FBXO15: variants seen among roughly 807,000 people sequenced by gnomAD.
FBXO15 encodes the protein F-box protein 15, also known as F-box only protein 15.
In FBXO15, 30 loss-of-function variants were observed where a neutral mutation model predicts 49.5. The observed-to-expected ratio is 0.61, with a 90% CI of 0.45 to 0.82. FBXO15 has a LOEUF of 0.82. Ranked by LOEUF, FBXO15 falls within the 40% of genes least tolerant of loss-of-function variation. FBXO15 has a pLI of 0.00. For synonymous variants in FBXO15, 250 were observed against 232.7 expected, an observed-to-expected ratio of 1.07 and a Z score of -0.68; for missense variants, 591 against 631.5, an observed-to-expected ratio of 0.94 and a Z score of 0.69.
At chr18:74,139,982 A>G (rs1456945565) in intron 2 of FBXO15, among the ~76,000 whole-genome samples, 5 of 152,246 alleles carry the variant, frequency 3.3e-5, no homozygotes, top group Admixed American at 3.3e-4. Context: ...AATTCAATTT[A>G]CTTGTCACTT....
rs146087278 is a variant in FBXO15, at chr18:74,133,526, A to C, written c.332+2236T>G. On this transcript the variant is annotated intron_variant, in intron 3 of 9. Transcript: ENST00000419743. ...ATTTGGTTGACTCCTTCCTTGAAAA[A>C]TGCCTTGCTGTGCTTTCTTTTAGTG... 2.9e-3 allele frequency among the ~76,000 whole-genome samples: 438 copies of C among 152,326 alleles called. 4 individuals are homozygous for C. The highest frequency in any genetic ancestry group is 7.9e-3 in the African/African-American group (328 of 41,574).
intron 3 of FBXO15, chr18:74,130,867 A>G (rs1978352609): frequency 2.0e-6 from 1 of 508,428 alleles, no homozygotes; most frequent in South Asian, 2.5e-5. Flanking sequence ...CACATTTTAA[A>G]AAAAGGAAAA....
intron 8 of FBXO15, among the ~76,000 whole-genome samples, chr18:74,102,459 T>C (rs990718927): frequency 1.3e-5 from 2 of 152,108 alleles, no homozygotes; most frequent in African/African-American, 4.8e-5. Flanking sequence ...ACATAACAGA[T>C]GCTGGCATTG....
At chr18:74,096,168 C>T (rs990526281) in intron 8 of FBXO15, among the ~76,000 whole-genome samples, 6 of 152,074 alleles carry the variant, frequency 3.9e-5, no homozygotes, top group East Asian at 1.9e-4. Context: ...AAGTACTGAG[C>T]GTGCCTGAGA....
chr18:74,123,376 G>A lies in FBXO15; in HGVS notation c.1130C>T (p.Thr377Ile), dbSNP rs1294685731. Residue 377 changes from threonine (T) to isoleucine (I), a missense_variant, in exon 8 of 10, where the codon ACC (threonine) becomes ATC (isoleucine). Coordinates refer to ENST00000419743, the MANE Select transcript of FBXO15 (RefSeq NM_001142958.2). ...AACTCAATCAATTTCACCTCTCTTG[G>A]TGAAGAGATTGCGAAATGTACCACA... is the stretch of plus-strand genomic sequence containing the variant. ...YLCGTFRNLF[T>I]KRGNIENGHV... The A allele has an allele frequency of 2.5e-6, 4 of 1,605,014 alleles. No individual in the cohort carries two copies. Among genetic ancestry groups the A allele is most frequent in the Admixed American group, 3.5e-5 (2 of 57,404 alleles).
Position 74,073,677 on chromosome 18 carries a change from C to G in FBXO15, c.1317G>C (p.Trp439Cys), listed in dbSNP as rs767428166. The G allele has an allele frequency of 6.2e-7, 1 of 1,614,098 alleles. No homozygotes were observed. Among genetic ancestry groups the G allele is most frequent in the South Asian group, 1.1e-5 (1 of 91,060 alleles). ...TCAGGCACACCGGGGAACTGAAACACCAAAAGGGTTTCCCATGTTCATCCA... is the reference window on the plus strand; with the variant it reads ...TCAGGCACACCGGGGAACTGAAACAGCAAAAGGGTTTCCCATGTTCATCCA... ...TLLDEHGKPFWCFSSPVCLRS... is the reference protein window; with the variant it reads ...TLLDEHGKPFCCFSSPVCLRS... The change falls in exon 10 of 10, where the codon TGG becomes TGC. Residue 439 changes from tryptophan (W) to cysteine (C), a missense_variant. By Grantham distance (215) the Trp-to-Cys change is radical (BLOSUM62 -2). Transcript: ENST00000419743.
chr18:74,080,174 T>C (rs974996835), intron 9 of FBXO15, among the ~76,000 whole-genome samples: 7 of 152,230 alleles, frequency 4.6e-5, no homozygotes, highest in Admixed American at 1.3e-4. Flanking sequence ...AAATAAATGT[T>C]ATCATTTCAC....
intron 8 of FBXO15, among the ~76,000 whole-genome samples, chr18:74,101,000 C>T (rs1183101961): frequency 6.6e-6 from 1 of 152,036 alleles, no homozygotes; most frequent in Non-Finnish European, 1.5e-5. Flanking sequence ...GGTACCAATC[C>T]TATTGACACT....
intron 6 of FBXO15, 49 bp downstream of exon 6, chr18:74,125,926 G>A (rs755833385): frequency 5.6e-6 from 9 of 1,603,392 alleles, no homozygotes; most frequent in Non-Finnish European, 6.8e-6. Context: ...AGTAAATGTG[G>A]TATTGTGATG....
chr18:74,140,089 T>C (rs1190243906), intron 2 of FBXO15, 113 bp downstream of exon 2: 1 of 788,816 alleles, frequency 1.3e-6, no homozygotes, highest in Non-Finnish European at 2.0e-6. Context: ...TCCTACACAA[T>C]CCTATTCTTA....
At chr18:74,124,995 C>A (rs566890208) in intron 6 of FBXO15, among the ~76,000 whole-genome samples, 7 of 152,214 alleles carry the variant, frequency 4.6e-5, no homozygotes, top group Middle Eastern at 3.4e-3. Flanking sequence ...TTGATTTGGC[C>A]AACGTGGTGG....
At chr18:74,142,819 T>C (rs577744484) in intron 1 of FBXO15, among the ~76,000 whole-genome samples, 6 of 152,358 alleles carry the variant, frequency 3.9e-5, no homozygotes, top group Non-Finnish European at 8.8e-5. Flanking sequence ...TAATACACTT[T>C]GTTTACTGTC....
chr18:74,090,373 T>C (rs1158252112), intron 8 of FBXO15, among the ~76,000 whole-genome samples: 1 of 152,126 alleles, frequency 6.6e-6, no homozygotes, highest in Non-Finnish European at 1.5e-5. Flanking sequence ...TTCATTAATA[T>C]TTTGTACAAT....
At chr18:74,086,690 G>A (rs539985499) in intron 8 of FBXO15, among the ~76,000 whole-genome samples, 6 of 152,308 alleles carry the variant, frequency 3.9e-5, no homozygotes, top group South Asian at 2.1e-4. Flanking sequence ...GATTATAGGC[G>A]TGAGCCACCA....
intron 8 of FBXO15, among the ~76,000 whole-genome samples, chr18:74,093,350 G>T (rs79245915): frequency 6.6e-6 from 1 of 151,884 alleles, no homozygotes; most frequent in East Asian, 1.9e-4. Flanking sequence ...TGGCTGGTGC[G>T]TGTCAGCGAG....
intron 8 of FBXO15, among the ~76,000 whole-genome samples, chr18:74,092,576 G>A (rs1322673939): frequency 6.6e-6 from 1 of 152,022 alleles, no homozygotes; most frequent in South Asian, 2.1e-4. Context: ...TTTGATGTCC[G>A]TGGGGGTATG....
In FBXO15 at chr18:74,123,412, AC is replaced by A. The variant is rs755562062; in HGVS notation, c.1093del (p.Val365PhefsTer23). ...QLHVDLHSGG[V>X]FYLCGTFRNL... ...GCGAAATGTACCACATAGGTAGAAA[AC>A]CCCACCGCTGTGCAGATCAACATGG... On this transcript the variant is annotated frameshift_variant, in exon 8 of 10. Transcript: ENST00000419743. LOFTEE classifies it high-confidence loss of function. 1.5e-5 allele frequency: 24 copies of A among 1,613,268 alleles called. No homozygotes were observed. Among genetic ancestry groups the A allele is most frequent in the Non-Finnish European group, 1.9e-5 (23 of 1,179,742 alleles).
intron 8 of FBXO15, among the ~76,000 whole-genome samples, chr18:74,111,436 G>C (rs1914029315): frequency 6.6e-6 from 1 of 151,928 alleles, no homozygotes; most frequent in Admixed American, 6.6e-5. Context: ...AAATAACCCA[G>C]GGGTCAAAAA....
At chr18:74,123,245 G>C in intron 8 of FBXO15, 123 bp downstream of exon 8, 1 of 1,046,790 alleles carries the variant, frequency 9.6e-7, no homozygotes. Context: ...GGGTCTGGGA[G>C]GATACTGGTG....
Sources: allele counts gnomAD v4.1 joint callset (sites outside exome capture counted in the v4.1 genomes callset), GRCh38; gene constraint gnomAD v4.1.1; transcripts MANE v1.5; gene names NCBI Gene and HGNC (gene_info 2026-07-23, HGNC 2026-07-21).